Variants in TRMT11 observed in about 807,000 individuals in gnomAD.
TRMT11 encodes the protein tRNA methyltransferase 11, also known as tRNA (guanine(10)-N(2))-methyltransferase TRMT11.
In TRMT11, 53 loss-of-function variants were observed where a neutral mutation model predicts 62.8. The ratio of observed to expected loss-of-function variants is 0.84; its 90% confidence interval spans 0.68 to 1.06. The LOEUF is 1.06. TRMT11 is among the 50% of genes least tolerant of loss of function. TRMT11 has a pLI of 0.00. For synonymous variants in TRMT11, 188 were observed against 190.3 expected, an observed-to-expected ratio of 0.99 and a Z score of 0.10; for missense variants, 556 against 553.4, an observed-to-expected ratio of 1.00 and a Z score of -0.05.
the TRMT11 span, among the ~76,000 whole-genome samples, chr6:126,250,150 G>C: frequency 6.6e-6 from 1 of 152,106 alleles, no homozygotes. Flanking sequence ...GAATAAGAAG[G>C]GGAACAGGCA....
downstream of TRMT11, among the ~76,000 whole-genome samples, chr6:126,207,406 AG>A (rs1778800958): frequency 6.6e-6 from 1 of 152,240 alleles, no homozygotes; most frequent in Non-Finnish European, 1.5e-5. Flanking sequence ...GGGTAGGTGC[AG>A]AGAGAAGAGC....
At chr6:126,191,601 C>T (rs1007394584) in intron 1 of TRMT11, among the ~76,000 whole-genome samples, 6 of 150,434 alleles carry the variant, frequency 4.0e-5, no homozygotes, top group Admixed American at 2.7e-4. Context: ...AATCTTTAAT[C>T]TAATTTGTGT....
chr6:126,237,426 T>A, the TRMT11 span, among the ~76,000 whole-genome samples: 3 of 152,166 alleles, frequency 2.0e-5, no homozygotes, highest in South Asian at 6.2e-4. Context: ...ACATCTATAA[T>A]CCTAGCACTT....
downstream of TRMT11, among the ~76,000 whole-genome samples, chr6:126,202,933 T>G (rs766284665): frequency 1.1e-4 from 16 of 152,244 alleles, no homozygotes; most frequent in Non-Finnish European, 1.9e-4. Flanking sequence ...ATATGAAGTG[T>G]AAGGAAAGTG....
intron 21 of TRMT11, among the ~76,000 whole-genome samples, chr6:126,151,948 C>CTTTCTTTCTTTTT (rs1778061988): frequency 1.4e-5 from 1 of 71,410 alleles, no homozygotes; most frequent in Non-Finnish European, 2.9e-5. Flanking sequence ...TCTTTCTTTT[C>CTTTCTTTCTTTTT]TTTCTTTCTT....
At chr6:126,110,800 T>C (rs1777522749) in intron 17 of TRMT11, among the ~76,000 whole-genome samples, 1 of 152,130 alleles carries the variant, frequency 6.6e-6, no homozygotes, top group African/African-American at 2.4e-5. Flanking sequence ...GCTATTTGTA[T>C]CTATTGTCAT....
intron 17 of TRMT11, among the ~76,000 whole-genome samples, chr6:126,092,397 C>T (rs1207961838): frequency 6.6e-6 from 1 of 152,050 alleles, no homozygotes. Context: ...GAATGAGAGC[C>T]AAGTGAAAAG....
intron 1 of TRMT11, among the ~76,000 whole-genome samples, chr6:126,192,424 C>T (rs1485775823): frequency 6.6e-6 from 1 of 152,042 alleles, no homozygotes; most frequent in Non-Finnish European, 1.5e-5. Context: ...CATTTGAATG[C>T]CTTCTTTTCC....
At chr6:126,239,916 CT>C in the TRMT11 span, among the ~76,000 whole-genome samples, 1 of 151,886 alleles carries the variant, frequency 6.6e-6, no homozygotes, top group African/African-American at 2.4e-5. Flanking sequence ...TCTTTTTATG[CT>C]TTTTTTTCTA....
At chr6:126,244,967 G>A in the TRMT11 span, among the ~76,000 whole-genome samples, 5 of 152,110 alleles carry the variant, frequency 3.3e-5, no homozygotes, top group Non-Finnish European at 7.4e-5. Flanking sequence ...ATGTAATGAG[G>A]TTAGAATAAT....
chr6:125,989,015 T>C (rs1482642733), intron 1 of TRMT11, among the ~76,000 whole-genome samples: 10 of 151,938 alleles, frequency 6.6e-5, no homozygotes, highest in African/African-American at 2.2e-4. Flanking sequence ...TTGGTTATGG[T>C]AATTTGGAAG....
In TRMT11 at chr6:126,110,569, G is replaced by A. The variant is rs189857287; in HGVS notation, c.*1438-2297G>A. On this transcript the variant is annotated intron_variant and NMD_transcript_variant, in intron 17 of 22. Transcript: ENST00000648977. ...GATGTTTTCTATTCATTTAATTTAAGCAATGTTTCTGGATACCATAGCAAT... is the reference window on the plus strand; with the variant it reads ...GATGTTTTCTATTCATTTAATTTAAACAATGTTTCTGGATACCATAGCAAT... Among the ~76,000 whole-genome samples, 21 of 151,998 alleles carry A rather than the reference G, an allele frequency of 1.4e-4. No individual in the cohort carries two copies. The East Asian group carries it at 1.9e-3, about 14-fold the overall frequency.
At position 126,090,089 on chromosome 6, in the gene TRMT11, G is replaced by A. The variant is rs546427166; in HGVS notation, c.*1438-22777G>A. Reference sequence around the variant, plus strand: ...GCCAGCCAGTCCTCCAAGACGCTCAGACATCTTTCCCTTATTGAATTCTTT... The same window carrying A: ...GCCAGCCAGTCCTCCAAGACGCTCAAACATCTTTCCCTTATTGAATTCTTT... On this transcript the variant is annotated intron_variant and NMD_transcript_variant, in intron 17 of 22. Coordinates refer to the TRMT11 transcript ENST00000648977. 2.0e-5 allele frequency among the ~76,000 whole-genome samples: 3 copies of A among 152,268 alleles called. No individual in the cohort carries two copies. In the South Asian group the frequency reaches 6.2e-4, roughly 32 times the overall value.
chr6:126,093,631 A>ATTTTTTTTTTTTTTTTT (rs145963759), intron 17 of TRMT11, among the ~76,000 whole-genome samples: 3 of 98,012 alleles, frequency 3.1e-5, no homozygotes, highest in African/African-American at 1.3e-4. Flanking sequence ...ATATATATAT[A>ATTTTTTTTTTTTTTTTT]TTTTCCCCCA....
At chr6:126,073,953 G>A (rs1776935059) in intron 17 of TRMT11, among the ~76,000 whole-genome samples, 1 of 152,052 alleles carries the variant, frequency 6.6e-6, no homozygotes, top group African/African-American at 2.4e-5. Context: ...AGGGGGTAAA[G>A]CCCCTTATAA....
chr6:126,005,924 C>G (rs1051548406), intron 7 of TRMT11, among the ~76,000 whole-genome samples: 19 of 151,902 alleles, frequency 1.3e-4, no homozygotes, highest in Non-Finnish European at 2.8e-4. Flanking sequence ...CCATGTCTAC[C>G]TTCAGATGAC....
At chr6:126,072,553 A>C (rs1231472550) in intron 17 of TRMT11, among the ~76,000 whole-genome samples, 1 of 152,232 alleles carries the variant, frequency 6.6e-6, no homozygotes, top group African/African-American at 2.4e-5. Flanking sequence ...AAAATAGCAT[A>C]TATTGAGTAT....
chr6:126,059,542 G>A (rs1025434888), intron 17 of TRMT11, among the ~76,000 whole-genome samples: 16 of 152,170 alleles, frequency 1.1e-4, no homozygotes, highest in Non-Finnish European at 2.2e-4. Flanking sequence ...ATCATTACTA[G>A]TATATGCTAA....
At position 125,994,513 on chromosome 6, in the gene TRMT11, TA is replaced by T. The variant is rs1791149585; in HGVS notation, c.138+695del. Among the ~76,000 whole-genome samples the T allele has an allele frequency of 2.6e-5, 4 of 152,186 alleles. No homozygotes were observed. In the South Asian group the frequency reaches 8.3e-4, roughly 31 times the overall value. On this transcript the variant is annotated intron_variant, in intron 2 of 12. Transcript: ENST00000334379. ...CAGGTTGCTTTAAAAATTTTCTCAATAAAAGTAATACTAAGATGAAAATATT... is the reference window on the plus strand; with the variant it reads ...CAGGTTGCTTTAAAAATTTTCTCAATAAAGTAATACTAAGATGAAAATATT...
Sources: gnomAD v4.1 joint callset for allele counts (sites outside exome capture counted in the v4.1 genomes callset) on GRCh38, gnomAD v4.1.1 for gene constraint, MANE v1.5 for transcripts, NCBI Gene and HGNC (gene_info 2026-07-23, HGNC 2026-07-21) for gene names.